The following VRK3 variants were observed in gnomAD, a reference collection of about 807,000 sequenced individuals.
VRK3 encodes serine/threonine-protein kinase VRK3.
A neutral mutation model predicts 60.4 loss-of-function variants in VRK3; 50 were observed. That is an observed-to-expected ratio of 0.83 (90% CI 0.66 to 1.05). VRK3 has a LOEUF of 1.05. Among genes scored for constraint, VRK3 ranks in the 50% least tolerant of loss-of-function variants. The pLI is 0.00. For synonymous variants in VRK3, 246 were observed against 227.8 expected (o/e 1.08, Z -0.72); for missense variants, 549 against 585.3 (o/e 0.94, Z 0.64).
At chr19:50,023,854 GA>G (rs2077213334) in intron 1 of VRK3, among the ~76,000 whole-genome samples, 1 of 152,292 alleles carries the variant, frequency 6.6e-6, no homozygotes, top group South Asian at 2.1e-4. Flanking sequence ...CCCTAAAAAA[GA>G]CGTGCCACTT....
chr19:50,020,251 G>T (rs1390432697), intron 2 of VRK3, among the ~76,000 whole-genome samples: 1 of 152,144 alleles, frequency 6.6e-6, no homozygotes, highest in Non-Finnish European at 1.5e-5. Context: ...ATGTTGGCCA[G>T]GCTGGTCTCG....
At chr19:49,982,065 A>G (rs2076433475) in intron 12 of VRK3, 1 of 696,864 alleles carries the variant, frequency 1.4e-6, no homozygotes, top group South Asian at 1.5e-5. Flanking sequence ...CATAACGGAG[A>G]TATCTGGGTC....
intron 5 of VRK3, 30 bp downstream of exon 5, chr19:50,007,539 A>G: frequency 6.2e-7 from 1 of 1,610,550 alleles, no homozygotes; most frequent in Non-Finnish European, 8.5e-7. Flanking sequence ...GAGACGACCC[A>G]GTCCCTGGCC....
rs532935665 is a variant in VRK3 at position 50,021,750 on chromosome 19, G to A, written c.-64-1103C>T. 4.6e-5 allele frequency among the ~76,000 whole-genome samples: 7 copies of A among 152,358 alleles called. No homozygotes were observed. In the South Asian group the frequency reaches 1.2e-3, roughly 27 times the overall value. On this transcript the variant is annotated intron_variant, in intron 1 of 14. Coordinates refer to ENST00000316763, the MANE Select transcript of VRK3 (RefSeq NM_016440.4). ...GATTTGTTCTCTAGACATAGTAACC[G>A]GGACAGGGAGTCCCTGCTGCACAGA...
chr19:49,996,564 T>G (rs2076708020), intron 7 of VRK3, among the ~76,000 whole-genome samples: 1 of 152,222 alleles, frequency 6.6e-6, no homozygotes, highest in Non-Finnish European at 1.5e-5. Flanking sequence ...GATGAATTTC[T>G]GAGGGTTCAT....
At chr19:50,018,134 T>C (rs73935146) in intron 2 of VRK3, among the ~76,000 whole-genome samples, 7,982 of 152,284 alleles carry the variant, frequency 0.052, 689 homozygotes, top group African/African-American at 0.18. Flanking sequence ...TGTCACAGTC[T>C]ACCCCACTGT....
intron 14 of VRK3, among the ~76,000 whole-genome samples, chr19:49,977,080 G>T (rs2076342931): frequency 1.3e-5 from 2 of 152,178 alleles, no homozygotes; most frequent in Admixed American, 6.5e-5. Flanking sequence ...CATGGAGGAT[G>T]GGGAAGGCCT....
chr19:50,001,141 CTAAG>C (rs1434375927), intron 5 of VRK3: 7 of 358,708 alleles, frequency 2.0e-5, no homozygotes, highest in Non-Finnish European at 3.6e-5. Context: ...CCAGAATCCC[CTAAG>C]TGAGTGGGGC....
intron 6 of VRK3, 40 bp from the exon 7 acceptor site, chr19:49,997,610 A>T: frequency 6.2e-7 from 1 of 1,610,500 alleles, no homozygotes; most frequent in Non-Finnish European, 8.5e-7. Flanking sequence ...GTCACACTGA[A>T]GTCTCAGATA....
At chr19:50,011,326 G>A (rs947266268) in intron 3 of VRK3, among the ~76,000 whole-genome samples, 1 of 152,070 alleles carries the variant, frequency 6.6e-6, no homozygotes, top group Non-Finnish European at 1.5e-5. Context: ...CCACATATTT[G>A]GGCACACTGA....
intron 3 of VRK3, among the ~76,000 whole-genome samples, chr19:50,014,768 G>A (rs1197683261): frequency 1.3e-5 from 2 of 152,150 alleles, no homozygotes; most frequent in Non-Finnish European, 1.5e-5. Context: ...GGGGTCTGAG[G>A]GGAAATGGGG....
chr19:49,982,193 AATG>A (rs2076435640), intron 12 of VRK3: 2 of 702,942 alleles, frequency 2.8e-6, no homozygotes, highest in Non-Finnish European at 5.2e-6. Context: ...GGCAACCTGA[AATG>A]ATAAGAATTC....
intron 2 of VRK3, among the ~76,000 whole-genome samples, chr19:50,016,459 A>AG (rs2077081110): frequency 6.6e-6 from 1 of 152,236 alleles, no homozygotes. Flanking sequence ...CGAGGCAGTT[A>AG]GGAGTCAGAA....
rs780683151 is a variant in VRK3, at chr19:50,016,037, C to A, written c.126G>T (p.Val42=). 1.2e-6 allele frequency: 2 copies of A among 1,614,168 alleles called. No homozygotes were observed. The highest frequency in any genetic ancestry group is 4.5e-5 in the East Asian group (2 of 44,884). Reference sequence around the variant, plus strand: ...TCTGGTTCTTACCTTGGAAGGATGACACATGTGGATTGACAAAGGTCTGGG... The same window carrying A: ...TCTGGTTCTTACCTTGGAAGGATGAAACATGTGGATTGACAAAGGTCTGGG... The part of the protein sequence containing the change: ...VGSQTFVNPH[V]SSFQGSKRGL... Residue 42 remains valine, a synonymous_variant, in exon 3 of 15, where the codon GTG becomes GTT. Coordinates refer to ENST00000316763, the MANE Select transcript of VRK3 (RefSeq NM_016440.4).
intron 7 of VRK3, among the ~76,000 whole-genome samples, chr19:49,995,757 C>CT (rs909552103): frequency 1.3e-5 from 2 of 150,848 alleles, no homozygotes; most frequent in Non-Finnish European, 3.0e-5. Flanking sequence ...TTTCTTTTTT[C>CT]TTTTTTTTTG....
chr19:49,981,729 C>T, intron 12 of VRK3: 1 of 1,005,598 alleles, frequency 9.9e-7, no homozygotes. Context: ...TTATTACTTA[C>T]AGGTCCTGGG....
In VRK3 at chr19:49,997,588, G is replaced by A. The variant is rs762033052; in HGVS notation, c.613-18C>T. On this transcript the variant is annotated intron_variant, in intron 6 of 14. Transcript: ENST00000316763. ...TTGGCATCCTGGTGGGGGACAGGAGGGGCAGAAGGCTGTCACACTGAAGTC... is the reference window on the plus strand; with the variant it reads ...TTGGCATCCTGGTGGGGGACAGGAGAGGCAGAAGGCTGTCACACTGAAGTC... The A allele has an allele frequency of 5.2e-5, 84 of 1,613,440 alleles. 2 individuals are homozygous for A. The South Asian group carries it at 8.9e-4, about 17-fold the overall frequency.
intron 6 of VRK3, 54 bp from the exon 7 acceptor site, chr19:49,997,624 G>A: frequency 6.2e-7 from 1 of 1,600,372 alleles, no homozygotes; most frequent in Non-Finnish European, 8.5e-7. Flanking sequence ...TCAGATAAGG[G>A]CCCCCAGTCC....
intron 12 of VRK3, chr19:49,986,215 G>A (rs913821700): frequency 6.6e-6 from 1 of 152,016 alleles, no homozygotes; most frequent in Non-Finnish European, 1.5e-5. Context: ...ACACATTTAG[G>A]AGTATTCAGA....
Sources: allele counts gnomAD v4.1 joint callset (sites outside exome capture counted in the v4.1 genomes callset), GRCh38; gene constraint gnomAD v4.1.1; transcripts MANE v1.5; gene names NCBI Gene and HGNC (gene_info 2026-07-23, HGNC 2026-07-21).